Variants in MSI2 observed in about 807,000 individuals in gnomAD.
The protein encoded by MSI2 is musashi RNA binding protein 2, also known as RNA-binding protein Musashi homolog 2.
Under a neutral mutation model 45.6 loss-of-function variants are expected in MSI2, and 17 were observed. The ratio of observed to expected loss-of-function variants is 0.37; its 90% CI spans 0.26 to 0.56. The LOEUF is 0.56. Ranked by LOEUF, MSI2 falls within the 20% of genes least tolerant of loss-of-function variation. The pLI, the probability that MSI2 is intolerant of heterozygous loss-of-function variation, is 0.77. For missense variants in MSI2, 293 were observed against 444.2 expected (o/e 0.66, Z 3.06); for synonymous variants, 156 against 158.2 (o/e 0.99, Z 0.11).
At chr17:57,526,573 T>C (rs182099207) in intron 6 of MSI2, among the ~76,000 whole-genome samples, 8 of 152,214 alleles carry the variant, frequency 5.3e-5, no homozygotes, top group African/African-American at 1.9e-4. Flanking sequence ...CAGTCTCGTA[T>C]GTGAGACTGT....
chr17:57,323,452 A>G (rs1336812099), intron 5 of MSI2, among the ~76,000 whole-genome samples: 2 of 152,242 alleles, frequency 1.3e-5, no homozygotes, highest in Non-Finnish European at 2.9e-5. Flanking sequence ...TCCGCTGGGC[A>G]CTTGGGCCCT....
At chr17:57,540,329 G>C in intron 7 of MSI2, among the ~76,000 whole-genome samples, 1 of 152,112 alleles carries the variant, frequency 6.6e-6, no homozygotes, top group East Asian at 1.9e-4. Context: ...GGAGGCTCAG[G>C]CTTGCTGATT....
At chr17:57,409,746 C>T (rs772840486) in intron 6 of MSI2, among the ~76,000 whole-genome samples, 34 of 151,950 alleles carry the variant, frequency 2.2e-4, no homozygotes, top group Non-Finnish European at 3.5e-4. Context: ...CAGTGGCTCA[C>T]GCCTGTAATC....
chr17:57,535,684 G>C (rs2086906174), intron 7 of MSI2, among the ~76,000 whole-genome samples: 1 of 152,168 alleles, frequency 6.6e-6, no homozygotes, highest in Admixed American at 6.5e-5. Flanking sequence ...GAACTAAGAG[G>C]GTCCTTTCCC....
chr17:57,397,313 A>G (rs1298316460), intron 5 of MSI2, among the ~76,000 whole-genome samples: 1 of 152,198 alleles, frequency 6.6e-6, no homozygotes, highest in East Asian at 1.9e-4. Flanking sequence ...CAGCCTTCTC[A>G]CTGTATCCAG....
intron 6 of MSI2, among the ~76,000 whole-genome samples, chr17:57,450,814 CACTCTTCTGTAT>C (rs1014214094): frequency 6.6e-6 from 1 of 150,944 alleles, no homozygotes; most frequent in African/African-American, 2.4e-5. Context: ...TGCATTTATA[CACTCTTCTGTAT>C]ACTCAGAGAA....
rs115968654 is a variant in MSI2, at chr17:57,557,143, G to T, written c.454+27419G>T. The stretch of plus-strand genomic sequence containing the variant: ...GAACAGACTGAGGGGTAAGCCAAAG[G>T]CATGGCAGATGGTACACGGAAATAT... On this transcript the variant is annotated intron_variant, in intron 7 of 13. Coordinates refer to ENST00000284073, the MANE Select transcript of MSI2 (RefSeq NM_138962.4). Among the ~76,000 whole-genome samples, 417 of 152,286 alleles carry T rather than the reference G, an allele frequency of 2.7e-3. 4 individuals carry two copies. The highest frequency in any genetic ancestry group is 9.7e-3 in the African/African-American group (402 of 41,560).
At chr17:57,654,198 G>A (rs747486520) in intron 11 of MSI2, among the ~76,000 whole-genome samples, 8 of 152,206 alleles carry the variant, frequency 5.3e-5, no homozygotes, top group Non-Finnish European at 1.2e-4. Context: ...CAGTGCTGCC[G>A]GGCAGGGTGT....
chr17:57,421,556 C>G (rs201646306), intron 6 of MSI2, among the ~76,000 whole-genome samples: 1 of 143,924 alleles, frequency 6.9e-6, no homozygotes, highest in Non-Finnish European at 1.6e-5. Context: ...TCCTCCTCCT[C>G]CTTCTCCTCA....
At chr17:57,278,318 T>C (rs2143346506) in intron 5 of MSI2, 1 of 152,436 alleles carries the variant, frequency 6.6e-6, no homozygotes, top group Non-Finnish European at 1.5e-5. Flanking sequence ...CAATGCATGG[T>C]CTGGGACTTA....
At chr17:57,690,640 T>G in the MSI2 span, among the ~76,000 whole-genome samples, 18 of 152,150 alleles carry the variant, frequency 1.2e-4, no homozygotes, top group African/African-American at 4.3e-4. Context: ...TTGGTTGGGC[T>G]GCTTGTTTAC....
intron 5 of MSI2, among the ~76,000 whole-genome samples, chr17:57,394,771 A>T (rs1363692656): frequency 6.6e-6 from 1 of 152,128 alleles, no homozygotes; most frequent in African/African-American, 2.4e-5. Context: ...GGTGGGTGTG[A>T]TGCCCTCTTC....
chr17:57,565,967 TTTC>T (rs1479152751), intron 7 of MSI2: 1 of 152,180 alleles, frequency 6.6e-6, no homozygotes, highest in East Asian at 1.9e-4. Flanking sequence ...GAAAACCCCT[TTTC>T]TTCTTTGGGC....
chr17:57,650,826 G>A (rs1911089636), intron 10 of MSI2, among the ~76,000 whole-genome samples: 1 of 152,130 alleles, frequency 6.6e-6, no homozygotes, highest in African/African-American at 2.4e-5. Flanking sequence ...CTGTTTGGGG[G>A]AGCTTTGTCT....
chr17:57,690,619 T>C, the MSI2 span, among the ~76,000 whole-genome samples: 1 of 152,148 alleles, frequency 6.6e-6, no homozygotes, highest in Non-Finnish European at 1.5e-5. Flanking sequence ...ACCCTGTCTG[T>C]CTCTATTTTT....
intron 5 of MSI2, among the ~76,000 whole-genome samples, chr17:57,347,367 C>T (rs1376302776): frequency 6.6e-6 from 1 of 152,042 alleles, no homozygotes; most frequent in African/African-American, 2.4e-5. Context: ...TGATCTTAGC[C>T]GTTATTTTAA....
intron 6 of MSI2, among the ~76,000 whole-genome samples, chr17:57,445,234 G>A (rs1310456679): frequency 6.6e-6 from 1 of 152,126 alleles, no homozygotes; most frequent in Non-Finnish European, 1.5e-5. Context: ...GCTTCCTTCG[G>A]TCACCAAGCC....
intron 6 of MSI2, among the ~76,000 whole-genome samples, chr17:57,478,755 A>G (rs745985943): frequency 2.1e-4 from 32 of 152,190 alleles, no homozygotes; most frequent in Non-Finnish European, 3.7e-4. Flanking sequence ...GGTTTTGGCC[A>G]TGGGCAAGAG....
chr17:57,452,897 T>G (rs2143562047), intron 6 of MSI2, among the ~76,000 whole-genome samples: 1 of 152,080 alleles, frequency 6.6e-6, no homozygotes, highest in Middle Eastern at 3.4e-3. Context: ...GAACTGGGAT[T>G]TGGATGCAGG....
Sources: gnomAD v4.1 joint callset for allele counts (sites outside exome capture counted in the v4.1 genomes callset) on GRCh38, gnomAD v4.1.1 for gene constraint, MANE v1.5 for transcripts, NCBI Gene and HGNC (gene_info 2026-07-23, HGNC 2026-07-21) for gene names.